The following MEF2C variants were observed in gnomAD, a reference collection of about 807,000 sequenced individuals.
MEF2C encodes the protein myocyte enhancer factor 2C.
Under a neutral mutation model 50.5 loss-of-function variants are expected in MEF2C, and 6 were observed. The observed-to-expected ratio is 0.12, with a 90% confidence interval of 0.07 to 0.23. The LOEUF (loss-of-function observed/expected upper bound fraction) is 0.23. MEF2C is among the 10% of genes least tolerant of loss of function. The pLI is 1.00. For missense variants in MEF2C, 276 were observed against 605.0 expected, an observed-to-expected ratio of 0.46 and a Z score of 5.70; for synonymous variants, 183 against 228.0, an observed-to-expected ratio of 0.80 and a Z score of 1.78.
chr5:88,788,613 A>T (rs995594692), intron 3 of MEF2C, among the ~76,000 whole-genome samples: 1 of 152,248 alleles, frequency 6.6e-6, no homozygotes, highest in Non-Finnish European at 1.5e-5. Flanking sequence ...TTTGGGAGCC[A>T]CTAGTCACAT....
At chr5:88,873,025 C>T (rs1221195927) in intron 1 of MEF2C, among the ~76,000 whole-genome samples, 2 of 151,652 alleles carry the variant, frequency 1.3e-5, no homozygotes, top group African/African-American at 2.4e-5. Context: ...CTCTGCTCTC[C>T]CACACCGATG....
chr5:88,884,417 G>A (rs1472960264), upstream of MEF2C: 1 of 152,358 alleles, frequency 6.6e-6, no homozygotes, highest in African/African-American at 2.4e-5. Context: ...CACCCTGAGA[G>A]GTTGGAGCGC....
intron 6 of MEF2C, chr5:88,737,190 G>T: frequency 1.0e-6 from 1 of 985,268 alleles, no homozygotes; most frequent in Non-Finnish European, 1.2e-6. Context: ...AACATCAAGG[G>T]TCTCTTCTCT....
intron 3 of MEF2C, among the ~76,000 whole-genome samples, chr5:88,769,680 T>C (rs907713403): frequency 2.0e-5 from 3 of 152,246 alleles, no homozygotes; most frequent in African/African-American, 7.2e-5. Flanking sequence ...AGTCTTGCTC[T>C]GTCACCCAGG....
chr5:88,722,503 C>T lies in MEF2C; in HGVS notation c.*101G>A. 1 of 1,065,348 alleles carries T rather than the reference C, an allele frequency of 9.4e-7. No individual in the cohort carries two copies. The highest frequency in any genetic ancestry group is 1.4e-6 in the Non-Finnish European group (1 of 739,134). 66.0% of individuals were successfully genotyped at this position (1,065,348 alleles called of 1,614,324 possible). On this transcript the variant is annotated 3_prime_UTR_variant, in exon 11 of 11. Coordinates refer to ENST00000504921, the MANE Select transcript of MEF2C (RefSeq NM_002397.5). Reference sequence around the variant, plus strand: ...GAGTACCTGACTTTTTTTTTTTCCACACACGGCACATATAATGCATATCGA... The same window carrying T: ...GAGTACCTGACTTTTTTTTTTTCCATACACGGCACATATAATGCATATCGA...
At chr5:88,843,905 G>A (rs1167020448) in intron 1 of MEF2C, among the ~76,000 whole-genome samples, 1 of 151,676 alleles carries the variant, frequency 6.6e-6, no homozygotes, top group African/African-American at 2.4e-5. Flanking sequence ...TGCCTCCTGG[G>A]TTCAAGCGAT....
At chr5:88,881,310 T>A (rs1190122538) in intron 1 of MEF2C, 10 of 152,186 alleles carry the variant, frequency 6.6e-5, no homozygotes, top group Non-Finnish European at 1.5e-4. Flanking sequence ...GATAGGGACA[T>A]CTCATTTTAC....
At chr5:88,791,521 G>A (rs1368009348) in intron 3 of MEF2C, among the ~76,000 whole-genome samples, 1 of 152,078 alleles carries the variant, frequency 6.6e-6, no homozygotes, top group Non-Finnish European at 1.5e-5. Context: ...AGAGACTAGA[G>A]GAAGCTCAGT....
intron 3 of MEF2C, among the ~76,000 whole-genome samples, chr5:88,788,194 ATTT>A (rs1403684776): frequency 6.9e-6 from 1 of 145,172 alleles, no homozygotes; most frequent in East Asian, 2.0e-4. Flanking sequence ...TTATTTATTT[ATTT>A]ATTTATTTAT....
At chr5:88,895,734 T>C (rs1835050136) in intron 1 of MEF2C, among the ~76,000 whole-genome samples, 1 of 152,172 alleles carries the variant, frequency 6.6e-6, no homozygotes, top group Non-Finnish European at 1.5e-5. Flanking sequence ...AATAGCTCTT[T>C]CACGAGTGCT....
intron 1 of MEF2C, chr5:88,838,814 A>C: frequency 1.2e-6 from 1 of 845,276 alleles, no homozygotes; most frequent in Non-Finnish European, 1.4e-6. Context: ...ATTTACAGGG[A>C]AGTTTCCACT....
At chr5:88,856,699 G>A (rs998693098) in intron 1 of MEF2C, among the ~76,000 whole-genome samples, 1 of 152,254 alleles carries the variant, frequency 6.6e-6, no homozygotes, top group Non-Finnish European at 1.5e-5. Flanking sequence ...GAGGGTTCAA[G>A]CTCCAAGCCT....
intron 1 of MEF2C, among the ~76,000 whole-genome samples, chr5:88,868,991 C>T (rs764736819): frequency 3.3e-5 from 5 of 151,498 alleles, no homozygotes; most frequent in East Asian, 1.9e-4. Flanking sequence ...TTTTTCTTTA[C>T]GAATTAAGAA....
At chr5:88,750,042 A>G in intron 5 of MEF2C, 2 of 477,128 alleles carry the variant, frequency 4.2e-6, no homozygotes, top group Non-Finnish European at 5.5e-6. Flanking sequence ...AAAAAAAAAA[A>G]TTACTTTTAG....
chr5:88,792,805 G>A (rs1188087031), intron 3 of MEF2C, among the ~76,000 whole-genome samples: 1 of 152,118 alleles, frequency 6.6e-6, no homozygotes, highest in Non-Finnish European at 1.5e-5. Flanking sequence ...GATTACTTGA[G>A]TGTTTTTAAA....
intron 1 of MEF2C, among the ~76,000 whole-genome samples, chr5:88,851,859 C>G (rs1821486013): frequency 1.3e-5 from 2 of 152,084 alleles, no homozygotes; most frequent in Non-Finnish European, 2.9e-5. Flanking sequence ...TTAAAGTATT[C>G]TAATTGTACT....
At position 88,843,217 on chromosome 5, in the gene MEF2C, T is replaced by A. The variant is rs1817998679; in HGVS notation, c.-142-19287A>T. The A allele has an allele frequency of 6.5e-6, 4 of 617,836 alleles. No homozygotes were observed. In the South Asian group the frequency reaches 2.1e-4, roughly 33 times the overall value. The allele number at this position is 617,836 out of a possible 1,614,324, so 38.3% of individuals were successfully genotyped here. ...TATGTGTATTTTGCTTGCTTTTTTT[T>A]TTTTTTAATTCTATGGTAAAAAAAA... On this transcript the variant is annotated intron_variant, in intron 1 of 10. Transcript: ENST00000504921.
At position 88,819,327 on chromosome 5, in the gene MEF2C, GT is replaced by G; in HGVS notation, c.54+4407del. The G allele has an allele frequency of 1.3e-5, 13 of 984,916 alleles. No individual in the cohort carries two copies. In the South Asian group the frequency reaches 2.8e-4, roughly 21 times the overall value. The allele number at this position is 984,916 out of a possible 1,614,324, so 61.0% of individuals were successfully genotyped here. On this transcript the variant is annotated intron_variant, in intron 2 of 10. Coordinates refer to ENST00000504921, the MANE Select transcript of MEF2C (RefSeq NM_002397.5). Reference sequence around the variant, plus strand: ...ATGAGAGATCCGGGCTCAGATCTTGGTCACTTCCCAGTTTTAACTGTACAAT... The same window carrying G: ...ATGAGAGATCCGGGCTCAGATCTTGGCACTTCCCAGTTTTAACTGTACAAT...
intron 6 of MEF2C, among the ~76,000 whole-genome samples, chr5:88,748,627 T>C (rs1771122739): frequency 2.0e-5 from 3 of 152,238 alleles, no homozygotes; most frequent in Non-Finnish European, 2.9e-5. Context: ...ACAGTATTGT[T>C]GAATAATTAA....
Sources: gnomAD v4.1 joint callset for allele counts (sites outside exome capture counted in the v4.1 genomes callset) on GRCh38, gnomAD v4.1.1 for gene constraint, MANE v1.5 for transcripts, NCBI Gene and HGNC (gene_info 2026-07-23, HGNC 2026-07-21) for gene names.